The following LMBR1 variants were observed in gnomAD, a reference collection of about 807,000 sequenced individuals.
LMBR1 encodes the protein limb region 1 protein homolog.
LMBR1 carries 52 observed loss-of-function variants against 73.9 expected under a neutral mutation model. The ratio of observed to expected loss-of-function variants is 0.70; its 90% CI spans 0.56 to 0.89. The LOEUF (loss-of-function observed/expected upper bound fraction) is 0.89. Among genes scored for constraint, LMBR1 ranks in the 40% least tolerant of loss-of-function variants. The pLI, the probability that LMBR1 is intolerant of heterozygous loss-of-function variation, is 0.00. For missense variants in LMBR1, 539 were observed against 579.8 expected, an observed-to-expected ratio of 0.93 and a Z score of 0.72; for synonymous variants, 215 against 209.4, an observed-to-expected ratio of 1.03 and a Z score of -0.23.
intron 8 of LMBR1, among the ~76,000 whole-genome samples, chr7:156,758,878 T>C (rs928494053): frequency 2.0e-5 from 3 of 152,244 alleles, no homozygotes; most frequent in African/African-American, 7.2e-5. Context: ...ATGAGCACCA[T>C]CCTCCTTGAT....
chr7:156,737,316 G>A (rs561599909), intron 9 of LMBR1, among the ~76,000 whole-genome samples: 1 of 152,244 alleles, frequency 6.6e-6, no homozygotes, highest in African/African-American at 2.4e-5. Context: ...GAAGTCTGAA[G>A]CTATTCTTAT....
chr7:156,760,415 A>C (rs1023899963), intron 8 of LMBR1, among the ~76,000 whole-genome samples: 5 of 152,202 alleles, frequency 3.3e-5, no homozygotes, highest in African/African-American at 9.7e-5. Context: ...TCTTTTCCTC[A>C]TTAGAATTAG....
At chr7:156,793,405 T>C (rs1829567567) in intron 5 of LMBR1, among the ~76,000 whole-genome samples, 1 of 152,234 alleles carries the variant, frequency 6.6e-6, no homozygotes, top group Non-Finnish European at 1.5e-5. Context: ...CATGTCTTGA[T>C]TAGCTTAATT....
intron 5 of LMBR1, among the ~76,000 whole-genome samples, chr7:156,786,193 G>A (rs1828050473): frequency 6.9e-6 from 1 of 145,172 alleles, no homozygotes; most frequent in African/African-American, 2.6e-5. Context: ...AAAGGAAGGA[G>A]GTAGGGAAGG....
intron 1 of LMBR1, among the ~76,000 whole-genome samples, chr7:156,859,623 T>A (rs190923341): frequency 3.2e-3 from 480 of 151,976 alleles, no homozygotes; most frequent in Non-Finnish European, 5.2e-3. Flanking sequence ...ATTACTTGGA[T>A]ATAAAACTAC....
intron 1 of LMBR1, among the ~76,000 whole-genome samples, chr7:156,865,501 TC>T (rs887295399): frequency 4.6e-5 from 7 of 152,160 alleles, no homozygotes; most frequent in African/African-American, 1.7e-4. Flanking sequence ...GGATAACACT[TC>T]CCAAATTGAT....
chr7:156,751,069 C>G (rs983124420), intron 9 of LMBR1, among the ~76,000 whole-genome samples: 1 of 152,146 alleles, frequency 6.6e-6, no homozygotes, highest in Admixed American at 6.5e-5. Context: ...GTGATTGTGT[C>G]ACTGCACTCC....
intron 5 of LMBR1, among the ~76,000 whole-genome samples, chr7:156,775,687 G>A (rs569607953): frequency 6.6e-6 from 1 of 152,206 alleles, no homozygotes; most frequent in South Asian, 2.1e-4. Context: ...TATACTTTAT[G>A]CTTTTCTGTT....
At chr7:156,677,044 T>G (rs1222928141), downstream of LMBR1, 1 of 166,594 alleles carries the variant, frequency 6.0e-6, no homozygotes, top group Non-Finnish European at 1.3e-5. Flanking sequence ...CCTTTGCCAT[T>G]CCTAATACTC....
rs753752957 is a variant in LMBR1, at chr7:156,725,744, T to C, written c.1067+20A>G. On this transcript the variant is annotated intron_variant, in intron 13 of 16. Transcript: ENST00000353442. ...ATAAAATTTGTGGATAGGCTGAACG[T>C]TCAGTTAAAGAAAGGATACAAAATC... The C allele has an allele frequency of 1.9e-6, 3 of 1,607,046 alleles. No individual in the cohort carries two copies. Among genetic ancestry groups the C allele is most frequent in the Non-Finnish European group, 2.6e-6 (3 of 1,176,060 alleles).
In LMBR1 at chr7:156,843,835, C is replaced by CAA. The variant is rs11288663; in HGVS notation, c.67-6952_67-6951dup. 5.0e-4 allele frequency among the ~76,000 whole-genome samples: 60 copies of CAA among 120,900 alleles called. 1 individual carries two copies. The highest frequency in any genetic ancestry group is 5.0e-3 in the Middle Eastern group (1 of 200). 79.3% of individuals were successfully genotyped at this position (120,900 alleles called of 152,430 possible). A position where few individuals can be genotyped will look rare whatever the true frequency, so the allele number is the denominator to read the frequency against. On this transcript the variant is annotated intron_variant, in intron 1 of 16. Transcript: ENST00000353442. Reference sequence around the variant, plus strand: ...TGGGCAACAGAGCAAGACCCTGTCTCAAAAAAAAAAAAAAAAGAAAGAAAA... The same window carrying CAA: ...TGGGCAACAGAGCAAGACCCTGTCTCAAAAAAAAAAAAAAAAAAGAAAGAAAA...
chr7:156,791,512 A>T (rs1337671244), intron 5 of LMBR1, among the ~76,000 whole-genome samples: 2 of 152,222 alleles, frequency 1.3e-5, no homozygotes. Flanking sequence ...CAAAAGGGAC[A>T]TAAACCAGGA....
chr7:156,798,941 C>A (rs1393432012), intron 4 of LMBR1, among the ~76,000 whole-genome samples: 3 of 151,938 alleles, frequency 2.0e-5, no homozygotes, highest in Admixed American at 2.0e-4. Flanking sequence ...TACCTGTAAT[C>A]CCAGCACTTT....
At chr7:156,807,132 A>G (rs1832281483) in intron 4 of LMBR1, among the ~76,000 whole-genome samples, 2 of 152,146 alleles carry the variant, frequency 1.3e-5, no homozygotes, top group South Asian at 4.1e-4. Context: ...TGATTCGCTA[A>G]AATTGTATTT....
At chr7:156,888,390 A>G (rs1802308696) in intron 1 of LMBR1, among the ~76,000 whole-genome samples, 1 of 149,752 alleles carries the variant, frequency 6.7e-6, no homozygotes, top group South Asian at 2.1e-4. Flanking sequence ...AGCCTGGGAA[A>G]CACAGCGAGA....
intron 1 of LMBR1, among the ~76,000 whole-genome samples, chr7:156,846,573 T>G (rs929336110): frequency 6.6e-6 from 1 of 152,186 alleles, no homozygotes. Context: ...TGCATGTTCA[T>G]GTATAGGAAG....
chr7:156,696,702 C>T (rs2131995300), intron 15 of LMBR1, among the ~76,000 whole-genome samples: 1 of 152,280 alleles, frequency 6.6e-6, no homozygotes, highest in South Asian at 2.1e-4. Context: ...ATTAAATTAC[C>T]TCCCACTGAA....
At chr7:156,890,468 T>C (rs1005691003) in intron 1 of LMBR1, among the ~76,000 whole-genome samples, 2 of 152,210 alleles carry the variant, frequency 1.3e-5, no homozygotes, top group African/African-American at 4.8e-5. Flanking sequence ...AACAATATAA[T>C]ACAAGTTATT....
chr7:156,767,118 A>T (rs1563313103), intron 5 of LMBR1, among the ~76,000 whole-genome samples: 1 of 152,100 alleles, frequency 6.6e-6, no homozygotes, highest in Non-Finnish European at 1.5e-5. Context: ...AGGAAAAAAG[A>T]TGATGGGGTA....
Sources: allele counts gnomAD v4.1 joint callset (sites outside exome capture counted in the v4.1 genomes callset), GRCh38; gene constraint gnomAD v4.1.1; transcripts MANE v1.5; gene names NCBI Gene and HGNC (gene_info 2026-07-23, HGNC 2026-07-21).